The following CSNK1G3 variants were observed in gnomAD, a reference collection of about 807,000 sequenced individuals.
CSNK1G3 encodes casein kinase I isoform gamma-3.
Under a neutral mutation model 64.3 loss-of-function variants are expected in CSNK1G3, and 23 were observed. The observed-to-expected ratio is 0.36, with a 90% CI of 0.26 to 0.51. The LOEUF is 0.51. CSNK1G3 is among the 20% of genes least tolerant of loss of function. The probability of loss-of-function intolerance (pLI) is 0.96; values close to 1 mark genes in which losing one functional copy is unlikely to be tolerated. For missense variants in CSNK1G3, 357 were observed against 510.5 expected (o/e 0.70, Z 2.90); for synonymous variants, 158 against 162.2 (o/e 0.97, Z 0.20).
At chr5:123,557,975 T>G (rs1784944737) in intron 4 of CSNK1G3, among the ~76,000 whole-genome samples, 1 of 152,096 alleles carries the variant, frequency 6.6e-6, no homozygotes, top group South Asian at 2.1e-4. Context: ...TATGATAAAT[T>G]AAGGATTTTG....
chr5:123,577,874 T>TG (rs1288375651), intron 6 of CSNK1G3, among the ~76,000 whole-genome samples: 1 of 152,002 alleles, frequency 6.6e-6, no homozygotes, highest in Non-Finnish European at 1.5e-5. Context: ...TTTACCCATC[T>TG]TAGTCATTCC....
chr5:123,614,462 A>G, exon 13 of CSNK1G3: 2 of 1,398,974 alleles, frequency 1.4e-6, no homozygotes, highest in South Asian at 2.6e-5. Flanking sequence ...GATTAAAATC[A>G]TCTCTGTAGT....
intron 10 of CSNK1G3, among the ~76,000 whole-genome samples, chr5:123,592,442 T>A (rs373540948): frequency 1.3e-5 from 2 of 151,950 alleles, no homozygotes; most frequent in East Asian, 3.9e-4. Context: ...GGGCAATGTT[T>A]TAATTTTTCT....
intron 12 of CSNK1G3, among the ~76,000 whole-genome samples, chr5:123,610,589 G>A (rs1796151941): frequency 6.6e-6 from 1 of 152,172 alleles, no homozygotes; most frequent in South Asian, 2.1e-4. Flanking sequence ...GCCTGTATGT[G>A]TTTTAGGACT....
At chr5:123,553,296 T>C (rs1784034869) in intron 3 of CSNK1G3, 149 bp downstream of exon 3, 1 of 417,512 alleles carries the variant, frequency 2.4e-6, no homozygotes, top group Non-Finnish European at 4.3e-6. Context: ...GTTGCTAAGC[T>C]CCTAACATCA....
intron 4 of CSNK1G3, among the ~76,000 whole-genome samples, chr5:123,568,088 A>C (rs1364200201): frequency 6.6e-6 from 1 of 152,304 alleles, no homozygotes; most frequent in East Asian, 1.9e-4. Flanking sequence ...AATTTGTTCA[A>C]CTTTTGAAGC....
intron 6 of CSNK1G3, among the ~76,000 whole-genome samples, chr5:123,581,364 T>A (rs1442271319): frequency 7.0e-6 from 1 of 143,760 alleles, no homozygotes; most frequent in African/African-American, 2.5e-5. Context: ...GGGTTTGTTT[T>A]TTTTTTTTTT....
chr5:123,580,787 T>C (rs967650167), intron 6 of CSNK1G3, among the ~76,000 whole-genome samples: 2 of 151,976 alleles, frequency 1.3e-5, no homozygotes, highest in Non-Finnish European at 2.9e-5. Flanking sequence ...TATTTCTCTT[T>C]GGTGAATAGC....
intron 2 of CSNK1G3, among the ~76,000 whole-genome samples, chr5:123,552,382 G>A (rs1783851797): frequency 6.6e-6 from 1 of 152,082 alleles, no homozygotes; most frequent in Non-Finnish European, 1.5e-5. Context: ...CTGACTTCAT[G>A]ATCCACCTGC....
At chr5:123,573,361 A>G (rs1788492553) in intron 4 of CSNK1G3, 32 bp from the exon 5 acceptor site, 1 of 1,605,788 alleles carries the variant, frequency 6.2e-7, no homozygotes, top group South Asian at 1.1e-5. Flanking sequence ...TAAGATGATG[A>G]AATTATTAAA....
chr5:123,575,667 A>G (rs1789022435), intron 5 of CSNK1G3, 62 bp from the exon 6 acceptor site: 2 of 955,844 alleles, frequency 2.1e-6, no homozygotes, highest in Non-Finnish European at 3.3e-6. Context: ...TGCCTTTATC[A>G]TACTTGCTTA....
chr5:123,588,369 TCCCAGCTAAATAATTTTTAAATTA>T, intron 7 of CSNK1G3, 34 bp from the exon 8 acceptor site: 1 of 1,352,480 alleles, frequency 7.4e-7, no homozygotes, highest in Non-Finnish European at 1.1e-6. Flanking sequence ...CCGTGTGCAG[TCCCAGCTAAATAATTTTTAAATTA>T]CCACATTCTC....
chr5:123,527,629 A>G (rs951184539), intron 1 of CSNK1G3, among the ~76,000 whole-genome samples: 22 of 152,122 alleles, frequency 1.4e-4, no homozygotes, highest in African/African-American at 5.3e-4. Context: ...ATACTAGTCT[A>G]TGTATTAGTA....
chr5:123,612,516 C>T (rs763332815), intron 12 of CSNK1G3, among the ~76,000 whole-genome samples: 67 of 149,058 alleles, frequency 4.5e-4, no homozygotes, highest in Non-Finnish European at 8.0e-4. Flanking sequence ...CTCACTCTGT[C>T]GCCCAGGCTG....
At chr5:123,533,530 C>T (rs913368220) in intron 1 of CSNK1G3, among the ~76,000 whole-genome samples, 4 of 151,510 alleles carry the variant, frequency 2.6e-5, no homozygotes, top group Admixed American at 1.3e-4. Context: ...TCTCTGTCCT[C>T]CCTATTAATT....
intron 4 of CSNK1G3, among the ~76,000 whole-genome samples, chr5:123,566,948 A>T (rs1467977553): frequency 6.6e-6 from 1 of 152,150 alleles, no homozygotes; most frequent in East Asian, 1.9e-4. Context: ...TAATGATTGT[A>T]TTCGTCCGTT....
At chr5:123,529,949 C>T (rs916432023) in intron 1 of CSNK1G3, among the ~76,000 whole-genome samples, 1 of 151,940 alleles carries the variant, frequency 6.6e-6, no homozygotes, top group African/African-American at 2.4e-5. Context: ...CCAGCCTGGG[C>T]AACATGGCAA....
intron 10 of CSNK1G3, among the ~76,000 whole-genome samples, chr5:123,591,744 TGCTATTGTAAA>T (rs1252969247): frequency 6.6e-6 from 1 of 152,086 alleles, no homozygotes; most frequent in Non-Finnish European, 1.5e-5. Flanking sequence ...ATTGAATTTC[TGCTATTGTAAA>T]GCTACTGTTC....
At chr5:123,532,013 A>T (rs1374310972) in intron 1 of CSNK1G3, among the ~76,000 whole-genome samples, 1 of 151,926 alleles carries the variant, frequency 6.6e-6, no homozygotes, top group East Asian at 1.9e-4. Context: ...GGAAATTTTC[A>T]GTTTTTACCA....
Sources: gnomAD v4.1 joint callset for allele counts (sites outside exome capture counted in the v4.1 genomes callset) on GRCh38, gnomAD v4.1.1 for gene constraint, MANE v1.5 for transcripts, NCBI Gene and HGNC (gene_info 2026-07-23, HGNC 2026-07-21) for gene names.